SPRR2G: variants seen among roughly 807,000 people sequenced by gnomAD.
The protein encoded by SPRR2G is small proline rich protein 2G.
A neutral mutation model predicts 0.7 loss-of-function variants in SPRR2G; 1 was observed. That is an observed-to-expected ratio of 1.49 (90% CI 0.53 to 7.06). The LOEUF (loss-of-function observed/expected upper bound fraction) is 7.06, where lower values mean the gene tolerates loss of function less well. Ranked by LOEUF, SPRR2G falls within the 30% of genes most tolerant of loss-of-function variation. SPRR2G has a pLI of 0.14. For missense variants in SPRR2G, 96 were observed against 88.5 expected, an observed-to-expected ratio of 1.09 and a Z score of -0.34; for synonymous variants, 38 against 33.9, an observed-to-expected ratio of 1.12 and a Z score of -0.42.
chr1:153,163,170 T>G, the SPRR2G span, among the ~76,000 whole-genome samples: 1 of 152,236 alleles, frequency 6.6e-6, no homozygotes, highest in African/African-American at 2.4e-5. Flanking sequence ...TGCTTCCAGA[T>G]GATCACAACA....
the SPRR2G span, among the ~76,000 whole-genome samples, chr1:153,169,731 G>A: frequency 5.9e-5 from 9 of 152,208 alleles, no homozygotes; most frequent in Admixed American, 5.9e-4. Flanking sequence ...AGGGCATGAA[G>A]CTCAATTGTG....
At chr1:153,200,739 G>T in the SPRR2G span, among the ~76,000 whole-genome samples, 1 of 142,068 alleles carries the variant, frequency 7.0e-6, no homozygotes, top group Non-Finnish European at 1.5e-5. Flanking sequence ...TCACTCTATT[G>T]CCCAGGCTGG....
At chr1:153,192,738 A>C in the SPRR2G span, among the ~76,000 whole-genome samples, 2 of 152,182 alleles carry the variant, frequency 1.3e-5, no homozygotes, top group Non-Finnish European at 2.9e-5. Context: ...GGTATGTAGA[A>C]TATATTTTTC....
chr1:153,200,391 C>T, the SPRR2G span, among the ~76,000 whole-genome samples: 1 of 152,020 alleles, frequency 6.6e-6, no homozygotes, highest in Non-Finnish European at 1.5e-5. Context: ...TTCAGCAAAC[C>T]AATGAAGACA....
chr1:153,182,502 A>G, the SPRR2G span, among the ~76,000 whole-genome samples: 2 of 151,904 alleles, frequency 1.3e-5, no homozygotes, highest in African/African-American at 4.8e-5. Context: ...TAAGCCCCAC[A>G]TGCATTAGGT....
At chr1:153,172,277 A>C in the SPRR2G span, among the ~76,000 whole-genome samples, 4 of 152,266 alleles carry the variant, frequency 2.6e-5, no homozygotes, top group African/African-American at 9.6e-5. Flanking sequence ...AGTTTTTTCT[A>C]ATGAACCTTT....
the SPRR2G span, among the ~76,000 whole-genome samples, chr1:153,169,491 G>A: frequency 1.3e-5 from 2 of 151,892 alleles, no homozygotes; most frequent in East Asian, 1.9e-4. Context: ...GCTTGAACCC[G>A]GGAGGCAGAG....
At chr1:153,164,161 T>C in the SPRR2G span, among the ~76,000 whole-genome samples, 1 of 152,232 alleles carries the variant, frequency 6.6e-6, no homozygotes, top group Non-Finnish European at 1.5e-5. Context: ...AAAATGTTAT[T>C]TGGTAAACAA....
the SPRR2G span, among the ~76,000 whole-genome samples, chr1:153,161,191 A>C: frequency 1.3e-5 from 2 of 151,474 alleles, no homozygotes. Context: ...ATATGTAACA[A>C]AACTGCACGT....
rs1418975354 is a variant in SPRR2G, at chr1:153,150,115, C to T, written c.-5G>A. On this transcript the variant is annotated 5_prime_UTR_variant, in exon 2 of 2. Coordinates refer to ENST00000368748, the MANE Select transcript of SPRR2G (RefSeq NM_001014291.4). ...CTGCTGCTGCTGGTAAGACATCTCT[C>T]CTCAGTCTCAGAGAATCTGAAAGAT... The T allele has an allele frequency of 6.2e-7, 1 of 1,611,826 alleles. No homozygotes were observed. The highest frequency in any genetic ancestry group is 8.5e-7 in the Non-Finnish European group (1 of 1,179,840).
the SPRR2G span, among the ~76,000 whole-genome samples, chr1:153,167,181 A>G: frequency 2.0e-5 from 3 of 152,226 alleles, no homozygotes; most frequent in Non-Finnish European, 4.4e-5. Flanking sequence ...TTGGAAAAAA[A>G]ATAAAATCTC....
Position 153,149,846 on chromosome 1 carries a change from A to ACTGGATCTTG in SPRR2G, c.*33_*42dup. 6.2e-7 allele frequency: 1 copy of ACTGGATCTTG among 1,609,786 alleles called. No individual in the cohort carries two copies. The highest frequency in any genetic ancestry group is 8.5e-7 in the Non-Finnish European group (1 of 1,176,320). ...TGGAGTCCTGGGAGTAAGAAGAGCC[A>ACTGGATCTTG]CTGGATCTTGTTGTTTCATGGTCCT... On this transcript the variant is annotated 3_prime_UTR_variant, in exon 2 of 2. Transcript: ENST00000368748.
chr1:153,168,404 G>T, the SPRR2G span, among the ~76,000 whole-genome samples: 3 of 152,224 alleles, frequency 2.0e-5, no homozygotes, highest in African/African-American at 7.2e-5. Flanking sequence ...CAGCAAGAAA[G>T]ACATGCATGT....
the SPRR2G span, among the ~76,000 whole-genome samples, chr1:153,188,724 A>G: frequency 6.6e-6 from 1 of 151,820 alleles, no homozygotes; most frequent in Non-Finnish European, 1.5e-5. Flanking sequence ...TGGTGTATGA[A>G]AAAAAACTCC....
the SPRR2G span, among the ~76,000 whole-genome samples, chr1:153,195,558 G>C: frequency 6.6e-6 from 1 of 152,032 alleles, no homozygotes; most frequent in African/African-American, 2.4e-5. Context: ...TGTACCCCTG[G>C]GTTCCACCAT....
chr1:153,159,358 A>G, the SPRR2G span, among the ~76,000 whole-genome samples: 5 of 152,168 alleles, frequency 3.3e-5, no homozygotes, highest in African/African-American at 1.2e-4. Flanking sequence ...TCCAGTTCCC[A>G]ATAAATTCCT....
the SPRR2G span, among the ~76,000 whole-genome samples, chr1:153,167,449 G>A: frequency 6.6e-6 from 1 of 151,718 alleles, no homozygotes; most frequent in Admixed American, 6.6e-5. Context: ...ACCCAGTCTG[G>A]GCAACAAGAT....
Position 153,150,110 on chromosome 1 carries a change from TCTCTC to T in SPRR2G, c.-5_-1del. On this transcript the variant is annotated 5_prime_UTR_variant, in exon 2 of 2. Transcript: ENST00000368748. ...TTGCACTGCTGCTGCTGGTAAGACA[TCTCTC>T]CTCAGTCTCAGAGAATCTGAAAGAT... is the stretch of plus-strand genomic sequence containing the variant. 2 of 1,611,976 alleles carry T rather than the reference TCTCTC, an allele frequency of 1.2e-6. No homozygotes were observed. The highest frequency in any genetic ancestry group is 1.7e-6 in the Non-Finnish European group (2 of 1,179,830).
the SPRR2G span, among the ~76,000 whole-genome samples, chr1:153,193,867 G>C: frequency 6.6e-6 from 1 of 152,122 alleles, no homozygotes; most frequent in African/African-American, 2.4e-5. Flanking sequence ...TGGGGGCTTA[G>C]AGCAATCATA....
Sources: allele counts gnomAD v4.1 joint callset (sites outside exome capture counted in the v4.1 genomes callset), GRCh38; gene constraint gnomAD v4.1.1; transcripts MANE v1.5; gene names NCBI Gene and HGNC (gene_info 2026-07-23, HGNC 2026-07-21).